The following ABCB11 variants were observed in gnomAD, a reference collection of about 807,000 sequenced individuals.
ABCB11 encodes ATP binding cassette subfamily B member 11.
A neutral mutation model predicts 148.0 loss-of-function variants in ABCB11; 95 were observed. The ratio of observed to expected loss-of-function variants is 0.64; its 90% confidence interval spans 0.54 to 0.76. ABCB11 has a LOEUF of 0.76. ABCB11 is among the 30% of genes least tolerant of loss of function. The pLI is 0.00. For missense variants in ABCB11, 1,523 were observed against 1,617.8 expected (o/e 0.94, Z 1.01); for synonymous variants, 591 against 555.4 (o/e 1.06, Z -0.90).
chr2:168,947,655 T>C (rs1041263647), intron 19 of ABCB11, among the ~76,000 whole-genome samples: 1 of 151,832 alleles, frequency 6.6e-6, no homozygotes, highest in South Asian at 2.1e-4. Flanking sequence ...ATGAGTTTAC[T>C]AATGAACACA....
intron 1 of ABCB11, among the ~76,000 whole-genome samples, chr2:169,030,280 G>A (rs1360242915): frequency 6.6e-6 from 1 of 152,076 alleles, no homozygotes; most frequent in Non-Finnish European, 1.5e-5. Flanking sequence ...AGTGTAAACA[G>A]AAGCTCCTAG....
At chr2:168,932,180 C>A (rs1415114544) in intron 24 of ABCB11, among the ~76,000 whole-genome samples, 197 bp downstream of exon 24, 1 of 152,046 alleles carries the variant, frequency 6.6e-6, no homozygotes, top group Non-Finnish European at 1.5e-5. Context: ...CCTGACAGGC[C>A]CCGGTGTGTG....
Position 168,971,828 on chromosome 2 carries a change from A to AGGG in ABCB11, c.1638+18_1638+19insCCC. 1 of 1,609,846 alleles carries AGGG rather than the reference A, an allele frequency of 6.2e-7. No individual in the cohort carries two copies. The highest frequency in any genetic ancestry group is 8.5e-7 in the Non-Finnish European group (1 of 1,176,832). On this transcript the variant is annotated intron_variant, in intron 14 of 27. Coordinates refer to ENST00000650372, the MANE Select transcript of ABCB11 (RefSeq NM_003742.4). ...CTATGACCTCTTAGTTTCTCCCAGG[A>AGGG]ATGTATGGCTAGGGGTACCTGTGGC...
At chr2:168,956,205 T>C (rs1345685415) in intron 19 of ABCB11, among the ~76,000 whole-genome samples, 1 of 151,498 alleles carries the variant, frequency 6.6e-6, no homozygotes, top group East Asian at 2.0e-4. Context: ...GAGAACTCAC[T>C]CACTATCACA....
intron 18 of ABCB11, 54 bp downstream of exon 18, chr2:168,964,152 C>G (rs997020403): frequency 1.3e-5 from 18 of 1,337,674 alleles, no homozygotes; most frequent in Admixed American, 4.0e-5. Context: ...GGGTACCCAA[C>G]AGTCCCCAGG....
intron 16 of ABCB11, 84 bp downstream of exon 16, chr2:168,969,266 G>T: frequency 7.9e-7 from 1 of 1,269,354 alleles, no homozygotes; most frequent in Non-Finnish European, 1.1e-6. Context: ...AGAACAGTGA[G>T]TATTGAAATA....
At chr2:169,012,427 T>C (rs779185230) in intron 5 of ABCB11, among the ~76,000 whole-genome samples, 8 of 152,030 alleles carry the variant, frequency 5.3e-5, no homozygotes, top group Admixed American at 3.3e-4. Flanking sequence ...TCTGTGTGAG[T>C]TCTGGCTACT....
At chr2:169,020,324 C>T (rs1695497612) in intron 1 of ABCB11, among the ~76,000 whole-genome samples, 1 of 151,656 alleles carries the variant, frequency 6.6e-6, no homozygotes, top group Admixed American at 6.6e-5. Flanking sequence ...AATATCTGAA[C>T]AAAGTTCAAC....
intron 9 of ABCB11, among the ~76,000 whole-genome samples, chr2:168,988,750 T>C (rs891850724): frequency 6.6e-6 from 1 of 152,148 alleles, no homozygotes; most frequent in Non-Finnish European, 1.5e-5. Flanking sequence ...CAGTGTTTCA[T>C]TTTCCCCATA....
Position 169,013,525 on chromosome 2 carries a change from G to A in ABCB11, c.151-15C>T, listed in dbSNP as rs767205211. The A allele has an allele frequency of 6.2e-7, 1 of 1,603,094 alleles. No homozygotes were observed. Among genetic ancestry groups the A allele is most frequent in the Non-Finnish European group, 8.5e-7 (1 of 1,171,132 alleles). ...GAAAACCGAAACTTGAAAAACAAAG[G>A]GTTCAGAGATCATCTATGGGTGAAG... On this transcript the variant is annotated splice_polypyrimidine_tract_variant and intron_variant, in intron 4 of 27. Coordinates refer to ENST00000650372, the MANE Select transcript of ABCB11 (RefSeq NM_003742.4).
intron 5 of ABCB11, among the ~76,000 whole-genome samples, chr2:168,998,867 G>C (rs1299931706): frequency 6.6e-6 from 1 of 152,010 alleles, no homozygotes; most frequent in African/African-American, 2.4e-5. Context: ...ATTTTATTCT[G>C]GGAAGAAGAG....
intron 21 of ABCB11, among the ~76,000 whole-genome samples, chr2:168,937,490 G>T (rs1376766011): frequency 6.6e-6 from 1 of 152,142 alleles, no homozygotes; most frequent in Admixed American, 6.5e-5. Flanking sequence ...TTAATTAAAA[G>T]GTTCTTTATT....
intron 5 of ABCB11, among the ~76,000 whole-genome samples, chr2:169,009,137 G>A (rs1196363569): frequency 1.3e-5 from 2 of 152,184 alleles, no homozygotes; most frequent in African/African-American, 4.8e-5. Flanking sequence ...ACTAGAAAGT[G>A]ATGGCCGAGG....
intron 21 of ABCB11, among the ~76,000 whole-genome samples, chr2:168,938,463 G>C (rs1191887998): frequency 6.6e-6 from 1 of 152,100 alleles, no homozygotes; most frequent in Admixed American, 6.6e-5. Flanking sequence ...GAGGTACATA[G>C]AGTAGTCAGG....
intron 1 of ABCB11, among the ~76,000 whole-genome samples, chr2:169,025,757 C>T (rs1456393077): frequency 6.6e-6 from 1 of 152,224 alleles, no homozygotes; most frequent in Admixed American, 6.5e-5. Flanking sequence ...CGTCTCTATG[C>T]CCACAGCATT....
At chr2:168,944,531 G>A (rs943580228) in intron 21 of ABCB11, 74 bp downstream of exon 21, 1 of 1,460,250 alleles carries the variant, frequency 6.8e-7, no homozygotes, top group Non-Finnish European at 9.2e-7. Flanking sequence ...AAACATGCAG[G>A]TGATTGTCAG....
In ABCB11 at chr2:168,979,888, C is replaced by T. The variant is rs1694077462; in HGVS notation, c.1175G>A (p.Ser392Asn). 5 of 1,598,346 alleles carry T rather than the reference C, an allele frequency of 3.1e-6. No individual in the cohort carries two copies. The highest frequency in any genetic ancestry group is 1.7e-4 in the Middle Eastern group (1 of 6,006). ...AFATGRAAATSIFETIDRKPI... is the reference protein window; with the variant it reads ...AFATGRAAATNIFETIDRKPI... Reference sequence around the variant, plus strand: ...TACCCTGTCTATTGTCTCAAAAATGCTGGTGGCTGCTGCACGTCCAGTTGC... The same window carrying T: ...TACCCTGTCTATTGTCTCAAAAATGTTGGTGGCTGCTGCACGTCCAGTTGC... The change falls in exon 11 of 28, where the codon AGC becomes AAC. Residue 392 changes from serine (S) to asparagine (N), a missense_variant. Coordinates refer to ENST00000650372, the MANE Select transcript of ABCB11 (RefSeq NM_003742.4).
intron 26 of ABCB11, among the ~76,000 whole-genome samples, chr2:168,926,385 A>T (rs192308256): frequency 6.6e-6 from 1 of 152,176 alleles, no homozygotes; most frequent in African/African-American, 2.4e-5. Flanking sequence ...GTGGCTATTA[A>T]GTGTGTTTTC....
At chr2:168,937,204 T>C (rs1691872302) in intron 21 of ABCB11, among the ~76,000 whole-genome samples, 1 of 152,236 alleles carries the variant, frequency 6.6e-6, no homozygotes, top group South Asian at 2.1e-4. Flanking sequence ...CTTTTAAAAC[T>C]GAATATTCCA....
Sources: gnomAD v4.1 joint callset for allele counts (sites outside exome capture counted in the v4.1 genomes callset) on GRCh38, gnomAD v4.1.1 for gene constraint, MANE v1.5 for transcripts, NCBI Gene and HGNC (gene_info 2026-07-23, HGNC 2026-07-21) for gene names.